ST18: variants seen among roughly 807,000 people sequenced by gnomAD.
ST18 encodes the protein ST18 C2H2C-type zinc finger transcription factor.
ST18 carries 50 observed loss-of-function variants against 110.0 expected under a neutral mutation model. The ratio of observed to expected loss-of-function variants is 0.45; its 90% CI spans 0.36 to 0.58. ST18 has a LOEUF of 0.58. Among genes scored for constraint, ST18 ranks in the 20% least tolerant of loss-of-function variants. ST18 has a pLI of 0.00. For missense variants in ST18, 1,306 were observed against 1,280.1 expected (o/e 1.02, Z -0.31); for synonymous variants, 461 against 452.4 (o/e 1.02, Z -0.24).
intron 9 of ST18, among the ~76,000 whole-genome samples, chr8:52,177,287 C>G (rs893413316): frequency 6.6e-6 from 1 of 152,222 alleles, no homozygotes; most frequent in African/African-American, 2.4e-5. Flanking sequence ...TTTTGAAAGA[C>G]AGCAGGTTGA....
chr8:52,269,922 G>C (rs575340022), intron 2 of ST18, among the ~76,000 whole-genome samples: 1 of 152,272 alleles, frequency 6.6e-6, no homozygotes, highest in South Asian at 2.1e-4. Context: ...TTCCAAGTGA[G>C]TCTGTGAAGC....
chr8:52,280,207 A>G (rs1009292699), intron 2 of ST18, among the ~76,000 whole-genome samples: 7 of 152,116 alleles, frequency 4.6e-5, no homozygotes, highest in African/African-American at 1.7e-4. Flanking sequence ...AAATAAGGTA[A>G]GAGAGGAAAA....
intron 2 of ST18, among the ~76,000 whole-genome samples, chr8:52,354,915 C>T (rs1408442077): frequency 2.0e-5 from 3 of 152,206 alleles, no homozygotes; most frequent in Admixed American, 6.5e-5. Context: ...CATTATAAAT[C>T]AAATTCAAAG....
intron 2 of ST18, among the ~76,000 whole-genome samples, chr8:52,347,072 C>G (rs1818120239): frequency 1.3e-5 from 2 of 152,192 alleles, no homozygotes. Context: ...AGTGATCCAG[C>G]AGTCAGAGCA....
At chr8:52,127,492 T>G (rs952671106) in intron 22 of ST18, among the ~76,000 whole-genome samples, 1 of 152,212 alleles carries the variant, frequency 6.6e-6, no homozygotes, top group African/African-American at 2.4e-5. Context: ...AAAATAATCA[T>G]GAATATTTAT....
Position 52,149,918 on chromosome 8 carries a change from T to G in ST18, c.1866A>C (p.Arg622=), listed in dbSNP as rs35705625. 8.7e-5 allele frequency: 141 copies of G among 1,614,148 alleles called. No homozygotes were observed. In the African/African-American group the frequency reaches 1.7e-3, roughly 20 times the overall value. The change falls in exon 16 of 26, where the codon CGA becomes CGC. Residue 622 remains arginine (R), a synonymous_variant. Coordinates refer to ENST00000689386, the MANE Select transcript of ST18 (RefSeq NM_001352837.2). Reference sequence around the variant, plus strand: ...TTAGGGGTGCAGACTTGTCCAGGATTCGATTTTTTTTCATGCTTAAGTCCA... The same window carrying G: ...TTAGGGGTGCAGACTTGTCCAGGATGCGATTTTTTTTCATGCTTAAGTCCA... ...GTLDLSMKKN[R]ILDKSAPLTS...
Position 52,143,267 on chromosome 8 carries a change from A to G in ST18, c.2053-222T>C, listed in dbSNP as rs184657251. On this transcript the variant is annotated intron_variant, in intron 16 of 25. Transcript: ENST00000689386. ...TTTGGGAAGCCGAGGCAGGCGGATC[A>G]CGAGGTCAAGAGATTGAGACCATCC... is the stretch of plus-strand genomic sequence containing the variant. 3.2e-3 allele frequency among the ~76,000 whole-genome samples: 486 copies of G among 152,320 alleles called. 1 individual carries two copies. Among genetic ancestry groups the G allele is most frequent in the African/African-American group, 0.011 (455 of 41,572 alleles).
intron 16 of ST18, among the ~76,000 whole-genome samples, chr8:52,144,376 A>G (rs1233985338): frequency 1.3e-5 from 2 of 152,128 alleles, no homozygotes; most frequent in Non-Finnish European, 2.9e-5. Context: ...AGCAAAATAT[A>G]ATTTTAGTAA....
intron 2 of ST18, among the ~76,000 whole-genome samples, chr8:52,345,126 T>G (rs1045450582): frequency 6.6e-6 from 1 of 152,218 alleles, no homozygotes; most frequent in Non-Finnish European, 1.5e-5. Context: ...CTTTTCTTTT[T>G]CTTTTAAAAA....
At chr8:52,248,933 G>T (rs1015861980) in intron 2 of ST18, among the ~76,000 whole-genome samples, 7 of 152,094 alleles carry the variant, frequency 4.6e-5, no homozygotes, top group Non-Finnish European at 7.4e-5. Flanking sequence ...ATTTTACATT[G>T]TCAAGAATGA....
chr8:52,359,375 G>A (rs918231949), intron 2 of ST18, among the ~76,000 whole-genome samples: 3 of 152,014 alleles, frequency 2.0e-5, no homozygotes, highest in African/African-American at 7.2e-5. Flanking sequence ...TAAAAAAGGA[G>A]GAGGAAGAGG....
chr8:52,403,760 G>A (rs932797081), intron 2 of ST18: 6 of 152,050 alleles, frequency 3.9e-5, no homozygotes, highest in African/African-American at 1.4e-4. Context: ...ATGGGTGTTG[G>A]GCACTTTTAG....
intron 13 of ST18, 113 bp downstream of exon 13, chr8:52,163,873 G>A: frequency 1.4e-6 from 1 of 727,644 alleles, no homozygotes. Context: ...CAGGTCTACT[G>A]GGGCTGAGAG....
At chr8:52,159,381 G>A (rs768215438) in intron 14 of ST18, among the ~76,000 whole-genome samples, 2 of 152,010 alleles carry the variant, frequency 1.3e-5, no homozygotes, top group Non-Finnish European at 2.9e-5. Context: ...CATAACTAAT[G>A]TTATGGGGCA....
chr8:52,265,258 A>G (rs2094830128), intron 2 of ST18, among the ~76,000 whole-genome samples: 1 of 152,236 alleles, frequency 6.6e-6, no homozygotes, highest in South Asian at 2.1e-4. Context: ...CCAGTGCAAC[A>G]GGTGAACAAT....
At chr8:52,359,878 T>C (rs1401912493) in intron 2 of ST18, among the ~76,000 whole-genome samples, 1 of 152,160 alleles carries the variant, frequency 6.6e-6, no homozygotes, top group African/African-American at 2.4e-5. Flanking sequence ...AAGTACACAG[T>C]GAATAGTCTG....
rs1288110120 is a variant in ST18, at chr8:52,111,554, T to A, written c.*1644A>T. The A allele has an allele frequency of 6.5e-6, 1 of 152,684 alleles. No individual in the cohort carries two copies. The highest frequency in any genetic ancestry group is 2.4e-5 in the African/African-American group (1 of 41,456). 9.5% of individuals were successfully genotyped at this position (152,684 alleles called of 1,614,324 possible). On this transcript the variant is annotated 3_prime_UTR_variant, in exon 26 of 26. Coordinates refer to ENST00000689386, the MANE Select transcript of ST18 (RefSeq NM_001352837.2). The stretch of plus-strand genomic sequence containing the variant: ...CAAAGTTTCATGGGAGTGGAATTAC[T>A]GTTGAGTATTGTTTTTCATTTGTGC...
chr8:52,362,063 A>T (rs2140456438), intron 2 of ST18, among the ~76,000 whole-genome samples: 1 of 152,312 alleles, frequency 6.6e-6, no homozygotes, highest in African/African-American at 2.4e-5. Flanking sequence ...CTTTTAATTT[A>T]TCAAAAGAGG....
chr8:52,130,815 G>A (rs1324779585), intron 22 of ST18, among the ~76,000 whole-genome samples: 1 of 152,158 alleles, frequency 6.6e-6, no homozygotes, highest in African/African-American at 2.4e-5. Flanking sequence ...CCACAGTACA[G>A]CATTAATATT....
Sources: allele counts gnomAD v4.1 joint callset (sites outside exome capture counted in the v4.1 genomes callset), GRCh38; gene constraint gnomAD v4.1.1; transcripts MANE v1.5; gene names NCBI Gene and HGNC (gene_info 2026-07-23, HGNC 2026-07-21).